Variants in PKD1L1 observed in about 807,000 individuals in gnomAD.
The protein encoded by PKD1L1 is polycystin-1-like protein 1.
In PKD1L1, 236 loss-of-function variants were observed where a neutral mutation model predicts 323.4. The observed-to-expected ratio is 0.73, with a 90% CI of 0.66 to 0.81. The LOEUF is 0.81. Among genes scored for constraint, PKD1L1 ranks in the 40% least tolerant of loss-of-function variants. The pLI, the probability that PKD1L1 is intolerant of heterozygous loss-of-function variation, is 0.00. For synonymous variants in PKD1L1, 1,344 were observed against 1,335.0 expected, an observed-to-expected ratio of 1.01 and a Z score of -0.15; for missense variants, 3,320 against 3,508.0, an observed-to-expected ratio of 0.95 and a Z score of 1.35.
At chr7:47,827,863 G>T (rs1425046981) in intron 44 of PKD1L1, among the ~76,000 whole-genome samples, 2 of 152,198 alleles carry the variant, frequency 1.3e-5, no homozygotes, top group Admixed American at 1.3e-4. Context: ...GTCTTAGCAA[G>T]AAATGACCTT....
intron 54 of PKD1L1, among the ~76,000 whole-genome samples, chr7:47,798,850 A>G (rs1784600558): frequency 6.6e-6 from 1 of 152,140 alleles, no homozygotes; most frequent in African/African-American, 2.4e-5. Context: ...TTGGCAATTC[A>G]TTTGAGCCAG....
intron 21 of PKD1L1, 41 bp from the exon 22 acceptor site, chr7:47,877,672 G>A: frequency 6.2e-7 from 1 of 1,604,734 alleles, no homozygotes; most frequent in Non-Finnish European, 8.5e-7. Context: ...CCATGATGGA[G>A]AATTACAGCA....
intron 6 of PKD1L1, among the ~76,000 whole-genome samples, chr7:47,930,888 T>C (rs1311169117): frequency 6.6e-6 from 1 of 152,170 alleles, no homozygotes; most frequent in African/African-American, 2.4e-5. Flanking sequence ...ATGTGATTGA[T>C]GGGAAACATA....
intron 56 of PKD1L1, among the ~76,000 whole-genome samples, chr7:47,789,326 C>A (rs1786885481): frequency 6.6e-6 from 1 of 152,140 alleles, no homozygotes; most frequent in South Asian, 2.1e-4. Context: ...TTCTCTCCTT[C>A]CAAAATTTTA....
intron 2 of PKD1L1, among the ~76,000 whole-genome samples, chr7:47,942,410 A>G (rs2128758820): frequency 6.6e-6 from 1 of 152,216 alleles, no homozygotes; most frequent in African/African-American, 2.4e-5. Context: ...TTCAACATTG[A>G]TGCCAGGCAC....
chr7:47,888,143 G>A lies in PKD1L1; in HGVS notation c.2683C>T (p.His895Tyr). 6.2e-7 allele frequency: 1 copy of A among 1,611,794 alleles called. No homozygotes were observed. Among genetic ancestry groups the A allele is most frequent in the South Asian group, 1.1e-5 (1 of 90,712 alleles). Residue 895 changes from histidine to tyrosine, a missense_variant, in exon 17 of 57, where the codon CAC (histidine) becomes TAC (tyrosine). His to Tyr is a moderately conservative substitution (Grantham distance 83). Transcript: ENST00000289672. ...PYPDSAFRFV[H>Y]ISWVSFKDTF... ...TCTTTAAAGCTGACCCAGGAGATGT[G>A]GACGAATCTGAAATATATAAATTGG...
chr7:47,927,466 A>G (rs947514283), intron 7 of PKD1L1, among the ~76,000 whole-genome samples: 2 of 152,116 alleles, frequency 1.3e-5, no homozygotes, highest in African/African-American at 4.8e-5. Flanking sequence ...GGGTTTCACT[A>G]TGTTGGTCAG....
rs748675622 is a variant in PKD1L1, at chr7:47,893,830, A to AGC, written c.2453+47_2453+48insGC. 20 of 1,567,460 alleles carry AGC rather than the reference A, an allele frequency of 1.3e-5. No individual in the cohort carries two copies. The African/African-American group carries it at 2.3e-4, about 18-fold the overall frequency. ...ACGTTCCAGAGCCTGCATTTGCAGA[A>AGC]TGCGCGGTCTGAGTAGCTGCGCAGC... is the stretch of plus-strand genomic sequence containing the variant. On this transcript the variant is annotated intron_variant, in intron 15 of 56. Transcript: ENST00000289672.
chr7:47,936,612 A>G (rs1326525899), intron 4 of PKD1L1, among the ~76,000 whole-genome samples: 1 of 152,208 alleles, frequency 6.6e-6, no homozygotes, highest in Non-Finnish European at 1.5e-5. Context: ...CTTGTATGAC[A>G]TCACCTTCTA....
intron 26 of PKD1L1, among the ~76,000 whole-genome samples, chr7:47,864,575 CT>C (rs1344889212): frequency 1.1e-4 from 13 of 118,446 alleles, no homozygotes; most frequent in Non-Finnish European, 1.9e-4. Flanking sequence ...CTTTTTCTTT[CT>C]TTTCTTTCTT....
chr7:47,821,393 C>T (rs866979629), intron 45 of PKD1L1, among the ~76,000 whole-genome samples: 85 of 151,680 alleles, frequency 5.6e-4, no homozygotes, highest in Middle Eastern at 6.8e-3. Context: ...CTCAGCCTCC[C>T]GAGTAGCTGG....
chr7:47,904,384 T>C lies in PKD1L1; in HGVS notation c.1925A>G (p.Tyr642Cys). 1 of 1,614,092 alleles carries C rather than the reference T, an allele frequency of 6.2e-7. No homozygotes were observed. ...CCGCCTTGCAGTGGCTCACCTACTGTAGACATGGCTGCTGGAGCTGCTCCC... is the reference window on the plus strand; with the variant it reads ...CCGCCTTGCAGTGGCTCACCTACTGCAGACATGGCTGCTGGAGCTGCTCCC... Reference protein sequence around the residue: ...SLGSSSSSHVYSREGEFTVEV... With the variant: ...SLGSSSSSHVCSREGEFTVEV... The change falls in exon 12 of 57, where the codon TAC (tyrosine) becomes TGC (cysteine). Residue 642 changes from tyrosine to cysteine, a missense_variant. Tyr to Cys is a radical substitution (Grantham distance 194). Coordinates refer to ENST00000289672, the MANE Select transcript of PKD1L1 (RefSeq NM_138295.5).
At position 47,827,745 on chromosome 7, in the gene PKD1L1, G is replaced by A. The variant is rs536821402; in HGVS notation, c.6736-277C>T. On this transcript the variant is annotated intron_variant, in intron 44 of 56. Coordinates refer to ENST00000289672, the MANE Select transcript of PKD1L1 (RefSeq NM_138295.5). ...GCTATTACAAAGAGCTGCTGTACAC[G>A]AGGGGTATGTCTACTACTGTCAAAT... Among the ~76,000 whole-genome samples the A allele has an allele frequency of 1.1e-4, 16 of 152,276 alleles. No homozygotes were observed. In the South Asian group the frequency reaches 3.1e-3, roughly 30 times the overall value.
intron 13 of PKD1L1, among the ~76,000 whole-genome samples, chr7:47,900,298 CA>C (rs1787057272): frequency 6.6e-6 from 1 of 152,124 alleles, no homozygotes; most frequent in Non-Finnish European, 1.5e-5. Context: ...TGAGCTGCTA[CA>C]AAAACATCTC....
At chr7:47,929,585 G>GTT (rs1787726618) in intron 6 of PKD1L1, 59 bp from the exon 7 acceptor site, 1 of 1,474,784 alleles carries the variant, frequency 6.8e-7, no homozygotes, top group Admixed American at 2.1e-5. Flanking sequence ...GGGTGGGAGG[G>GTT]CAGAAGCCAA....
chr7:47,949,152 C>T (rs933213254), upstream of PKD1L1, among the ~76,000 whole-genome samples: 2 of 150,538 alleles, frequency 1.3e-5, no homozygotes, highest in African/African-American at 2.4e-5. Context: ...GGGCGGATCA[C>T]GAGGTCAGGA....
At chr7:47,848,986 G>A (rs565700275) in intron 31 of PKD1L1, among the ~76,000 whole-genome samples, 71 of 152,106 alleles carry the variant, frequency 4.7e-4, no homozygotes, top group Admixed American at 9.8e-4. Context: ...CATGCTACTG[G>A]CATAGAAATA....
intron 45 of PKD1L1, among the ~76,000 whole-genome samples, chr7:47,823,017 T>C (rs938734748): frequency 6.6e-6 from 1 of 152,196 alleles, no homozygotes; most frequent in Admixed American, 6.5e-5. Context: ...TGCCATTAGA[T>C]GGTTTTATTT....
rs1264299521 is a variant in PKD1L1, at chr7:47,857,748, T to A, written c.4447A>T (p.Ser1483Cys). 6.2e-7 allele frequency: 1 copy of A among 1,613,940 alleles called. No individual in the cohort carries two copies. Among genetic ancestry groups the A allele is most frequent in the South Asian group, 1.1e-5 (1 of 91,074 alleles). The change falls in exon 28 of 57, where the codon AGC becomes TGC. Residue 1483 changes from serine to cysteine, a missense_variant. Ser to Cys is a moderately radical substitution (Grantham distance 112, BLOSUM62 -1). Transcript: ENST00000289672. ...AAATGCACCTGGACAGATCCCAGGC[T>A]CTGGACAGAGCTCTGAAGGTTGTAA... is the stretch of plus-strand genomic sequence containing the variant. ...LHYNLQSSVQ[S>C]LGSVQVHLPG...
Sources: allele counts gnomAD v4.1 joint callset (sites outside exome capture counted in the v4.1 genomes callset), GRCh38; gene constraint gnomAD v4.1.1; transcripts MANE v1.5; gene names NCBI Gene and HGNC (gene_info 2026-07-23, HGNC 2026-07-21).